The following GOLIM4 variants were observed in gnomAD, a reference collection of about 807,000 sequenced individuals.
GOLIM4 encodes golgi integral membrane protein 4, also known as 130 kDa golgi-localized phosphoprotein.
Under a neutral mutation model 107.4 loss-of-function variants are expected in GOLIM4, and 71 were observed. The observed-to-expected ratio is 0.66, with a 90% CI of 0.55 to 0.81. The LOEUF is 0.81. Among genes scored for constraint, GOLIM4 ranks in the 30% least tolerant of loss-of-function variants. GOLIM4 has a pLI of 0.00. For synonymous variants in GOLIM4, 327 were observed against 294.8 expected (o/e 1.11, Z -1.12); for missense variants, 830 against 826.1 (o/e 1.00, Z -0.06).
chr3:168,022,048 G>A (rs951974935), intron 14 of GOLIM4, among the ~76,000 whole-genome samples: 1 of 152,136 alleles, frequency 6.6e-6, no homozygotes, highest in Non-Finnish European at 1.5e-5. Context: ...ATGCTTGTAA[G>A]TCTTAGAAAG....
In GOLIM4 at chr3:168,095,202, G is replaced by T; in HGVS notation, c.84C>A (p.Tyr28Ter). 1 of 1,613,760 alleles carries T rather than the reference G, an allele frequency of 6.2e-7. No homozygotes were observed. The change falls in exon 1 of 16, where the codon TAC (tyrosine) becomes TAA (stop). Residue 28 changes from tyrosine to a stop codon, truncating the protein, a stop_gained. Coordinates refer to ENST00000470487, the MANE Select transcript of GOLIM4 (RefSeq NM_014498.5). LOFTEE classifies it high-confidence loss of function. ...LLLTVVFGFL[Y>*]GAMLYYELQT... ...GCAGCTCGTAGTAGAGCATCGCGCC[G>T]TAGAGAAAGCCGAACACGACGGTCA...
At chr3:168,026,193 T>G (rs919572541) in intron 12 of GOLIM4, among the ~76,000 whole-genome samples, 2 of 152,176 alleles carry the variant, frequency 1.3e-5, no homozygotes, top group Non-Finnish European at 2.9e-5. Context: ...ACACTATTCT[T>G]GGGAACGTAG....
At chr3:168,042,087 C>T (rs983960295) in intron 5 of GOLIM4, among the ~76,000 whole-genome samples, 4 of 152,112 alleles carry the variant, frequency 2.6e-5, no homozygotes, top group Non-Finnish European at 5.9e-5. Flanking sequence ...ATGATGACAT[C>T]TTATACAAAT....
At chr3:168,027,635 T>C in intron 12 of GOLIM4, 93 bp downstream of exon 12, 1 of 764,828 alleles carries the variant, frequency 1.3e-6, no homozygotes, top group South Asian at 1.5e-5. Context: ...AACAGAAATA[T>C]CTGGGGCTGA....
chr3:168,010,792 C>T lies in GOLIM4; in HGVS notation c.1892G>A (p.Arg631Lys), dbSNP rs1261534075. ...CTCTTCAGCATTATGCTCCAGTTCC[C>T]TTTTTTTCTCTTCAGTCAAATCTTC... ...VQEDLTEEKK[R>K]ELEHNAEETY... Residue 631 changes from arginine to lysine, a missense_variant, in exon 15 of 16, where the codon AGG becomes AAG. Transcript: ENST00000470487. The T allele has an allele frequency of 6.2e-7, 1 of 1,611,770 alleles. No individual in the cohort carries two copies. Among genetic ancestry groups the T allele is most frequent in the Non-Finnish European group, 8.5e-7 (1 of 1,178,568 alleles).
intron 1 of GOLIM4, among the ~76,000 whole-genome samples, chr3:168,079,590 AATTTT>A (rs1336494011): frequency 6.6e-6 from 1 of 152,194 alleles, no homozygotes; most frequent in Non-Finnish European, 1.5e-5. Flanking sequence ...TGTCAAAAAC[AATTTT>A]ATTTTATCTA....
chr3:168,068,837 ATTTTT>A (rs200437702), intron 1 of GOLIM4, among the ~76,000 whole-genome samples: 20 of 146,138 alleles, frequency 1.4e-4, no homozygotes, highest in African/African-American at 2.2e-4. Context: ...ATTTTATTTT[ATTTTT>A]TTTTTTTTTT....
intron 1 of GOLIM4, among the ~76,000 whole-genome samples, chr3:168,060,620 A>G (rs1720212339): frequency 6.6e-6 from 1 of 152,234 alleles, no homozygotes; most frequent in Admixed American, 6.5e-5. Flanking sequence ...GACAGTGGAT[A>G]GGGAATGTGT....
chr3:168,032,773 GT>G lies in GOLIM4; in HGVS notation c.922del (p.Thr308ProfsTer93). Reference protein sequence around the residue: ...RAEDTKLYAPTHKEAEFQAPP... With the variant: ...RAEDTKLYAPXHKEAEFQAPP... The stretch of plus-strand genomic sequence containing the variant: ...AGCCTGAAATTCTGCCTCCTTATGG[GT>G]GGGAGCATAGAGTTTTGTGTCTTCT... On this transcript the variant is annotated frameshift_variant, in exon 9 of 16. Coordinates refer to ENST00000470487, the MANE Select transcript of GOLIM4 (RefSeq NM_014498.5). LOFTEE classifies it high-confidence loss of function. 1 of 1,613,998 alleles carries G rather than the reference GT, an allele frequency of 6.2e-7. No individual in the cohort carries two copies. The highest frequency in any genetic ancestry group is 8.5e-7 in the Non-Finnish European group (1 of 1,179,930).
chr3:168,032,909 A>C, intron 8 of GOLIM4, 57 bp from the exon 9 acceptor site: 1 of 1,334,574 alleles, frequency 7.5e-7, no homozygotes, highest in Non-Finnish European at 1.0e-6. Flanking sequence ...GTAATGATGT[A>C]ATTTCTTGAT....
chr3:168,039,574 T>C (rs969336209), intron 7 of GOLIM4, among the ~76,000 whole-genome samples: 1 of 152,194 alleles, frequency 6.6e-6, no homozygotes, highest in African/African-American at 2.4e-5. Flanking sequence ...AAAATTTTTT[T>C]TTCTATTATA....
Position 168,029,269 on chromosome 3 carries a change from A to G in GOLIM4, c.1467T>C (p.Asp489=). ...QQAHYDAMDN[D]IVQGAEDQGI... is the part of the protein sequence containing the mutation. ...CCTGGTCCTCTGCTCCCTGAACGAT[A>G]TCATTATCCATAGCATCATAATGAG... Residue 489 remains aspartate, a synonymous_variant, in exon 11 of 16, where the codon GAT becomes GAC. Transcript: ENST00000470487. 1 of 1,610,174 alleles carries G rather than the reference A, an allele frequency of 6.2e-7. No individual in the cohort carries two copies. The highest frequency in any genetic ancestry group is 8.5e-7 in the Non-Finnish European group (1 of 1,177,478).
chr3:168,058,939 T>C (rs574381928), intron 1 of GOLIM4, among the ~76,000 whole-genome samples: 32 of 152,238 alleles, frequency 2.1e-4, no homozygotes, highest in African/African-American at 7.2e-4. Flanking sequence ...GACAGCATCA[T>C]AGTATTTCAG....
chr3:168,052,375 TAC>T (rs761267772), intron 1 of GOLIM4, among the ~76,000 whole-genome samples: 4 of 151,522 alleles, frequency 2.6e-5, no homozygotes, highest in Non-Finnish European at 5.9e-5. Flanking sequence ...TATATACACA[TAC>T]ACACACTCTC....
intron 14 of GOLIM4, among the ~76,000 whole-genome samples, chr3:168,021,336 G>T (rs1487902693): frequency 6.6e-6 from 1 of 152,126 alleles, no homozygotes; most frequent in Admixed American, 6.5e-5. Context: ...CTATAGTGAC[G>T]AACACCCTGC....
chr3:168,046,975 G>A lies in GOLIM4; in HGVS notation c.287C>T (p.Ala96Val). Reference protein sequence around the residue: ...KEDFLVYKLEAQETLNKGRQD... With the variant: ...KEDFLVYKLEVQETLNKGRQD... Reference sequence around the variant, plus strand: ...CCTTCCTTTATTTAATGTTTCTTGTGCTTCTAACTTATAAACAAGAAAATC... The same window carrying A: ...CCTTCCTTTATTTAATGTTTCTTGTACTTCTAACTTATAAACAAGAAAATC... The change falls in exon 3 of 16, where the codon GCA becomes GTA. Residue 96 changes from alanine to valine, a missense_variant. Physicochemically the swap from Ala to Val is moderately conservative, Grantham distance 64 (BLOSUM62 0). Coordinates refer to ENST00000470487, the MANE Select transcript of GOLIM4 (RefSeq NM_014498.5). 1 of 1,354,714 alleles carries A rather than the reference G, an allele frequency of 7.4e-7. No homozygotes were observed. Among genetic ancestry groups the A allele is most frequent in the East Asian group, 2.6e-5 (1 of 39,012 alleles). The allele number at this position is 1,354,714 out of a possible 1,614,324, so 83.9% of individuals were successfully genotyped here. A position where few individuals can be genotyped will look rare whatever the true frequency, so the allele number is the denominator to read the frequency against.
intron 1 of GOLIM4, among the ~76,000 whole-genome samples, chr3:168,079,574 G>A (rs1721239137): frequency 6.6e-6 from 1 of 152,146 alleles, no homozygotes; most frequent in African/African-American, 2.4e-5. Context: ...AGTTGAATAA[G>A]TAAAATGTCA....
At position 168,044,853 on chromosome 3, in the gene GOLIM4, A is replaced by G; in HGVS notation, c.341T>C (p.Leu114Pro). 6.4e-7 allele frequency: 1 copy of G among 1,565,464 alleles called. No homozygotes were observed. The highest frequency in any genetic ancestry group is 8.7e-7 in the Non-Finnish European group (1 of 1,152,346). Residue 114 changes from leucine (L) to proline (P), a missense_variant, in exon 4 of 16, where the codon CTG (leucine) becomes CCG (proline). Leu to Pro is a moderately conservative substitution (Grantham distance 98, BLOSUM62 -3). Transcript: ENST00000470487. ...RQDSNSRYSA[L>P]NVQHQMLKSQ... Reference sequence around the variant, plus strand: ...TTTCAACATCTGATGTTGGACATTCAGTGCACTGTATCTGCTATTGGAATC... The same window carrying G: ...TTTCAACATCTGATGTTGGACATTCGGTGCACTGTATCTGCTATTGGAATC...
At position 168,009,808 on chromosome 3, in the gene GOLIM4, T is replaced by A. The variant is rs1232855991; in HGVS notation, c.*461A>T. Reference sequence around the variant, plus strand: ...GTGAAAATTCTATCAGAGCTATACATAAAGACATCAGAAGGGCAGCAATTA... The same window carrying A: ...GTGAAAATTCTATCAGAGCTATACAAAAAGACATCAGAAGGGCAGCAATTA... On this transcript the variant is annotated 3_prime_UTR_variant, in exon 16 of 16. Transcript: ENST00000470487. 1 of 153,322 alleles carries A rather than the reference T, an allele frequency of 6.5e-6. No individual in the cohort carries two copies. The highest frequency in any genetic ancestry group is 2.4e-5 in the African/African-American group (1 of 41,476). 9.5% of individuals were successfully genotyped at this position (153,322 alleles called of 1,614,324 possible). A position where few individuals can be genotyped will look rare whatever the true frequency, so the allele number is the denominator to read the frequency against.
Sources: gnomAD v4.1 joint callset for allele counts (sites outside exome capture counted in the v4.1 genomes callset) on GRCh38, gnomAD v4.1.1 for gene constraint, MANE v1.5 for transcripts, NCBI Gene and HGNC (gene_info 2026-07-23, HGNC 2026-07-21) for gene names.